Variants in TSPAN5 observed in about 807,000 individuals in gnomAD.
TSPAN5 encodes the protein tetraspanin-5.
Under a neutral mutation model 37.1 loss-of-function variants are expected in TSPAN5, and 10 were observed. The ratio of observed to expected loss-of-function variants is 0.27; its 90% CI spans 0.17 to 0.46. The LOEUF is 0.46. Among genes scored for constraint, TSPAN5 ranks in the 20% least tolerant of loss-of-function variants. The probability of loss-of-function intolerance (pLI) is 1.00; values close to 1 mark genes in which losing one functional copy is unlikely to be tolerated. For synonymous variants in TSPAN5, 110 were observed against 118.9 expected, an observed-to-expected ratio of 0.93 and a Z score of 0.48; for missense variants, 195 against 326.6, an observed-to-expected ratio of 0.60 and a Z score of 3.11.
At chr4:98,600,074 GTTATAT>G (rs767023162) in intron 1 of TSPAN5, among the ~76,000 whole-genome samples, 6 of 152,240 alleles carry the variant, frequency 3.9e-5, no homozygotes, top group Admixed American at 6.5e-5. Flanking sequence ...ACACATAAAA[GTTATAT>G]TTATACTATA....
At chr4:98,493,191 C>A (rs1753123070) in intron 2 of TSPAN5, among the ~76,000 whole-genome samples, 1 of 152,114 alleles carries the variant, frequency 6.6e-6, no homozygotes, top group Admixed American at 6.5e-5. Context: ...AGTAATAAAA[C>A]ATAAATAAGT....
intron 1 of TSPAN5, among the ~76,000 whole-genome samples, chr4:98,628,858 G>C (rs893270982): frequency 2.0e-5 from 3 of 152,104 alleles, no homozygotes; most frequent in Non-Finnish European, 4.4e-5. Context: ...CAGAGAGAAG[G>C]CATGCTAAGT....
chr4:98,526,553 T>C (rs550169078), intron 1 of TSPAN5, among the ~76,000 whole-genome samples: 3 of 152,324 alleles, frequency 2.0e-5, no homozygotes, highest in East Asian at 3.9e-4. Flanking sequence ...TGATGGTACT[T>C]ATCATCTCAC....
chr4:98,640,400 C>T (rs151050326), intron 1 of TSPAN5, among the ~76,000 whole-genome samples: 2 of 152,142 alleles, frequency 1.3e-5, no homozygotes, highest in East Asian at 1.9e-4. Context: ...CATGATTTTA[C>T]GGAAACTGTA....
chr4:98,598,360 C>G (rs370208186), intron 1 of TSPAN5, among the ~76,000 whole-genome samples: 3 of 148,464 alleles, frequency 2.0e-5, no homozygotes, highest in African/African-American at 7.5e-5. Context: ...GAGATGAACC[C>G]GGTACCTCAG....
At chr4:98,582,758 C>T (rs1237422634) in intron 1 of TSPAN5, among the ~76,000 whole-genome samples, 1 of 152,164 alleles carries the variant, frequency 6.6e-6, no homozygotes, top group Non-Finnish European at 1.5e-5. Context: ...CTCAATGCCT[C>T]CCCAGCACTG....
intron 1 of TSPAN5, among the ~76,000 whole-genome samples, chr4:98,594,271 A>AT (rs1755715732): frequency 1.6e-5 from 2 of 123,972 alleles, no homozygotes; most frequent in African/African-American, 3.9e-5. Context: ...AATGCTTGTG[A>AT]TTTTTGTACA....
At chr4:98,549,012 A>G (rs1754539000) in intron 1 of TSPAN5, among the ~76,000 whole-genome samples, 1 of 152,144 alleles carries the variant, frequency 6.6e-6, no homozygotes, top group Admixed American at 6.5e-5. Context: ...TGTGGTGAAC[A>G]TATGACTTGA....
chr4:98,645,675 C>T (rs556767412), intron 1 of TSPAN5, among the ~76,000 whole-genome samples: 1 of 152,294 alleles, frequency 6.6e-6, no homozygotes. Flanking sequence ...ACTCCTGATC[C>T]TCGCTGAAAT....
At chr4:98,635,018 C>A (rs1756824750) in intron 1 of TSPAN5, among the ~76,000 whole-genome samples, 1 of 152,180 alleles carries the variant, frequency 6.6e-6, no homozygotes, top group Admixed American at 6.5e-5. Context: ...TGGACAGAAG[C>A]ACAGGTAAGG....
At chr4:98,580,734 A>T (rs883619) in intron 1 of TSPAN5, among the ~76,000 whole-genome samples, 9 of 152,244 alleles carry the variant, frequency 5.9e-5, no homozygotes, top group African/African-American at 2.2e-4. Flanking sequence ...TAGCATGAAA[A>T]CCTGTTTTTT....
chr4:98,618,044 G>A (rs1756379281), intron 1 of TSPAN5, among the ~76,000 whole-genome samples: 1 of 152,148 alleles, frequency 6.6e-6, no homozygotes, highest in South Asian at 2.1e-4. Context: ...CACAACCTTG[G>A]AGAGAACCCA....
intron 1 of TSPAN5, among the ~76,000 whole-genome samples, chr4:98,608,043 G>A (rs1367861102): frequency 6.6e-6 from 1 of 152,152 alleles, no homozygotes; most frequent in Admixed American, 6.5e-5. Context: ...CTATTCATAA[G>A]ATGGTATTTT....
rs764785573 is a variant in TSPAN5 at position 98,486,900 on chromosome 4, A to G, written c.133-16T>C. On this transcript the variant is annotated splice_polypyrimidine_tract_variant and intron_variant, in intron 2 of 7. Transcript: ENST00000305798. ...ACAGAACTCCCTGGGAGCAGAAAAG[A>G]ACACACAACAAGGCACGGGGATGTG... The G allele has an allele frequency of 1.2e-6, 2 of 1,612,902 alleles. No individual in the cohort carries two copies. Among genetic ancestry groups the G allele is most frequent in the Non-Finnish European group, 1.7e-6 (2 of 1,179,422 alleles).
rs117590040 is a variant in TSPAN5 at position 98,494,923 on chromosome 4, G to A, written c.133-8039C>T. ...TGGAGAGAAAAGGCAGAAGAGGGAG[G>A]CCATGAGGAAGCTGAAGCCAGGAGT... On this transcript the variant is annotated intron_variant, in intron 2 of 7. Transcript: ENST00000305798. Among the ~76,000 whole-genome samples the A allele has an allele frequency of 5.3e-4, 81 of 152,278 alleles. 1 individual carries two copies. The East Asian group carries it at 0.013, about 24-fold the overall frequency.
intron 1 of TSPAN5, among the ~76,000 whole-genome samples, chr4:98,553,645 T>C (rs897944194): frequency 1.3e-5 from 2 of 152,176 alleles, no homozygotes; most frequent in African/African-American, 4.8e-5. Context: ...TTTTTGGGTA[T>C]GTTTTCAGAA....
At position 98,507,695 on chromosome 4, in the gene TSPAN5, A is replaced by C; in HGVS notation, c.115T>G (p.Trp39Gly). ...LGITFLGIGLWAWNEKGVLSN... is the reference protein window; with the variant it reads ...LGITFLGIGLGAWNEKGVLSN... Reference sequence around the variant, plus strand: ...CAACTTACTTTTTCATTCCATGCCCACAGTCCAATTCCAAGAAATGTTATT... The same window carrying C: ...CAACTTACTTTTTCATTCCATGCCCCCAGTCCAATTCCAAGAAATGTTATT... Residue 39 changes from tryptophan (W) to glycine (G), a missense_variant, in exon 2 of 8, where the codon TGG (tryptophan) becomes GGG (glycine). By Grantham distance (184) the Trp-to-Gly change is radical. Coordinates refer to ENST00000305798, the MANE Select transcript of TSPAN5 (RefSeq NM_005723.4). 6.2e-7 allele frequency: 1 copy of C among 1,611,602 alleles called. No individual in the cohort carries two copies. Among genetic ancestry groups the C allele is most frequent in the Non-Finnish European group, 8.5e-7 (1 of 1,179,198 alleles).
At chr4:98,592,442 T>G (rs992326136) in intron 1 of TSPAN5, among the ~76,000 whole-genome samples, 2 of 149,108 alleles carry the variant, frequency 1.3e-5, no homozygotes, top group African/African-American at 5.0e-5. Context: ...TTTTTTTTTT[T>G]TTTTTTATTA....
chr4:98,611,254 G>GCCT (rs1361328337), intron 1 of TSPAN5, among the ~76,000 whole-genome samples: 2 of 152,176 alleles, frequency 1.3e-5, no homozygotes, highest in East Asian at 3.9e-4. Context: ...CCTGAAACAA[G>GCCT]CCTCTAATTT....
Sources: gnomAD v4.1 joint callset for allele counts (sites outside exome capture counted in the v4.1 genomes callset) on GRCh38, gnomAD v4.1.1 for gene constraint, MANE v1.5 for transcripts, NCBI Gene and HGNC (gene_info 2026-07-23, HGNC 2026-07-21) for gene names.